The following CHD2 variants were observed in gnomAD, a reference collection of about 807,000 sequenced individuals.
CHD2 encodes the protein chromodomain helicase DNA binding protein 2.
Under a neutral mutation model 243.9 loss-of-function variants are expected in CHD2, and 28 were observed. The ratio of observed to expected loss-of-function variants is 0.11; its 90% confidence interval spans 0.09 to 0.16. The LOEUF (loss-of-function observed/expected upper bound fraction) is 0.16, where lower values mean the gene tolerates loss of function less well. CHD2 is among the 10% of genes least tolerant of loss of function. The probability of loss-of-function intolerance (pLI) is 1.00; values close to 1 mark genes in which losing one functional copy is unlikely to be tolerated. For synonymous variants in CHD2, 775 were observed against 779.0 expected (o/e 0.99, Z 0.09); for missense variants, 1,386 against 2,209.8 (o/e 0.63, Z 7.47).
intron 14 of CHD2, among the ~76,000 whole-genome samples, chr15:92,954,649 G>A (rs2053595597): frequency 6.6e-6 from 1 of 152,204 alleles, no homozygotes; most frequent in Non-Finnish European, 1.5e-5. Flanking sequence ...ATAGCGTAAA[G>A]CACTACATTC....
At chr15:92,992,431 A>G (rs2054131813) in intron 27 of CHD2, among the ~76,000 whole-genome samples, 2 of 152,220 alleles carry the variant, frequency 1.3e-5, no homozygotes, top group African/African-American at 4.8e-5. Context: ...TCAACTAAAC[A>G]TATAGTAGAA....
chr15:92,966,938 A>T (rs936554362), intron 16 of CHD2, among the ~76,000 whole-genome samples: 3 of 149,764 alleles, frequency 2.0e-5, no homozygotes, highest in Non-Finnish European at 4.4e-5. Context: ...ATGACTATTT[A>T]TGAGTTCAGA....
intron 2 of CHD2, chr15:92,902,343 C>A: frequency 2.5e-6 from 1 of 392,798 alleles, no homozygotes; most frequent in East Asian, 3.6e-5. Context: ...CATATGAATG[C>A]ATTTTTTGAT....
At chr15:92,956,690 C>T in intron 16 of CHD2, 41 bp downstream of exon 16, 1 of 1,543,838 alleles carries the variant, frequency 6.5e-7, no homozygotes, top group African/African-American at 1.4e-5. Context: ...GCTAGAATGT[C>T]TGAAATGCCA....
intron 16 of CHD2, among the ~76,000 whole-genome samples, chr15:92,962,656 G>C (rs946884063): frequency 4.0e-5 from 6 of 151,726 alleles, no homozygotes; most frequent in Non-Finnish European, 8.8e-5. Context: ...TGTCCGTTCA[G>C]TGTGGTGTTA....
chr15:93,020,050 G>T lies in CHD2; in HGVS notation c.4945G>T (p.Gly1649Cys). ...DWQRERKFNY[G>C]GGNNNPPWGS... The stretch of plus-strand genomic sequence containing the variant: ...GCAGAGGGAAAGAAAGTTCAACTAT[G>T]GTGGTGGCAACAACAATCCACCATG... Residue 1649 changes from glycine (G) to cysteine (C), a missense_variant, in exon 38 of 39, where the codon GGT becomes TGT. Physicochemically the swap from Gly to Cys is radical, Grantham distance 159. This residue lies in a region of CHD2 where 347 missense variants were observed against 341.6 expected (regional missense o/e 1.02). Transcript: ENST00000394196. 6.2e-7 allele frequency: 1 copy of T among 1,613,992 alleles called. No individual in the cohort carries two copies. Among genetic ancestry groups the T allele is most frequent in the Non-Finnish European group, 8.5e-7 (1 of 1,179,954 alleles).
intron 6 of CHD2, among the ~76,000 whole-genome samples, chr15:92,938,002 G>A (rs2141774619): frequency 6.6e-6 from 1 of 152,164 alleles, no homozygotes; most frequent in East Asian, 1.9e-4. Context: ...ATTGTGTAGA[G>A]AAGGAGGTAG....
intron 3 of CHD2, among the ~76,000 whole-genome samples, chr15:92,925,539 C>T (rs187801264): frequency 2.0e-5 from 3 of 152,268 alleles, no homozygotes; most frequent in East Asian, 3.9e-4. Context: ...AATGATTTTG[C>T]CCTCCCAGTT....
chr15:92,951,709 A>G (rs2053556543), intron 13 of CHD2, among the ~76,000 whole-genome samples: 1 of 152,204 alleles, frequency 6.6e-6, no homozygotes, highest in Admixed American at 6.5e-5. Context: ...TAGTATTGAA[A>G]AGTGAGGGAA....
At chr15:92,976,823 C>T (rs1198012799) in intron 20 of CHD2, among the ~76,000 whole-genome samples, 1 of 151,112 alleles carries the variant, frequency 6.6e-6, no homozygotes, top group Non-Finnish European at 1.5e-5. Context: ...CCCTTGAGAC[C>T]AGGAGTTTGA....
chr15:92,982,005 G>T (rs1186752386), intron 24 of CHD2, among the ~76,000 whole-genome samples: 1 of 152,210 alleles, frequency 6.6e-6, no homozygotes, highest in African/African-American at 2.4e-5. Flanking sequence ...AAAAAGCTTA[G>T]TGAAAGAGTA....
chr15:93,016,342 AG>A (rs2054459999), intron 37 of CHD2, among the ~76,000 whole-genome samples: 4 of 152,194 alleles, frequency 2.6e-5, no homozygotes, highest in African/African-American at 9.6e-5. Context: ...AGTAGTTACC[AG>A]GGTCGGAGGG....
At chr15:92,901,558 T>A in intron 2 of CHD2, 1 of 510,718 alleles carries the variant, frequency 2.0e-6, no homozygotes, top group Non-Finnish European at 3.4e-6. Flanking sequence ...CAAAGGGGCC[T>A]TTACTGTAAT....
intron 24 of CHD2, among the ~76,000 whole-genome samples, chr15:92,981,921 A>G (rs1327322870): frequency 6.6e-6 from 1 of 152,228 alleles, no homozygotes; most frequent in Non-Finnish European, 1.5e-5. Context: ...AGAAAATTAC[A>G]TGAAATGAGG....
chr15:92,922,425 A>G (rs144025401), intron 2 of CHD2, among the ~76,000 whole-genome samples: 328 of 152,166 alleles, frequency 2.2e-3, no homozygotes, highest in Admixed American at 8.9e-3. Flanking sequence ...CAGTATTGAG[A>G]ACCTCCCCTC....
chr15:93,004,913 G>A (rs1164213939), intron 34 of CHD2, among the ~76,000 whole-genome samples, 162 bp downstream of exon 34: 1 of 152,204 alleles, frequency 6.6e-6, no homozygotes, highest in African/African-American at 2.4e-5. Flanking sequence ...TCTTCAGCAG[G>A]CTGGCAGGAA....
At chr15:93,006,421 G>A (rs1245773077) in intron 34 of CHD2, among the ~76,000 whole-genome samples, 4 of 151,928 alleles carry the variant, frequency 2.6e-5, no homozygotes, top group African/African-American at 4.8e-5. Flanking sequence ...CACCGCACCC[G>A]GCCTTTTCTC....
intron 21 of CHD2, 121 bp downstream of exon 21, chr15:92,978,504 T>C (rs2053937335): frequency 1.1e-5 from 11 of 984,968 alleles, no homozygotes; most frequent in African/African-American, 8.0e-5. Flanking sequence ...CCCTGAAGCA[T>C]TGATTTCTGT....
At chr15:92,996,456 G>A (rs892184783) in intron 28 of CHD2, among the ~76,000 whole-genome samples, 10 of 152,080 alleles carry the variant, frequency 6.6e-5, no homozygotes, top group East Asian at 3.9e-4. Context: ...CACCGCGCCC[G>A]CCTGGGTTAG....
Sources: gnomAD v4.1 joint callset for allele counts (sites outside exome capture counted in the v4.1 genomes callset) on GRCh38, gnomAD v4.1.1 for gene constraint, gnomAD v4.1.1 regional missense constraint, MANE v1.5 for transcripts, NCBI Gene and HGNC (gene_info 2026-07-23, HGNC 2026-07-21) for gene names.